The following TBL1XR1 variants were observed in gnomAD, a reference collection of about 807,000 sequenced individuals.
TBL1XR1 encodes the protein TBL1X/Y related 1.
In TBL1XR1, 5 loss-of-function variants were observed where a neutral mutation model predicts 66.9. The ratio of observed to expected loss-of-function variants is 0.07; its 90% CI spans 0.04 to 0.16. TBL1XR1 has a LOEUF of 0.16. Among genes scored for constraint, TBL1XR1 ranks in the 10% least tolerant of loss-of-function variants. TBL1XR1 has a pLI of 1.00. For missense variants in TBL1XR1, 238 were observed against 623.2 expected, an observed-to-expected ratio of 0.38 and a Z score of 6.58; for synonymous variants, 210 against 206.0, an observed-to-expected ratio of 1.02 and a Z score of -0.17.
chr3:177,096,634 T>C (rs1723527825), intron 2 of TBL1XR1, among the ~76,000 whole-genome samples: 1 of 152,106 alleles, frequency 6.6e-6, no homozygotes, highest in African/African-American at 2.4e-5. Context: ...AGGTTTCAAA[T>C]GTGAACTTCA....
At chr3:177,197,908 C>G (rs1577472421), upstream of TBL1XR1, among the ~76,000 whole-genome samples, 1 of 148,974 alleles carries the variant, frequency 6.7e-6, no homozygotes, top group East Asian at 2.0e-4. Flanking sequence ...CCGCTGGGCC[C>G]GAGACGGGTG....
At chr3:177,122,000 T>A (rs950846695) in intron 1 of TBL1XR1, among the ~76,000 whole-genome samples, 1 of 152,040 alleles carries the variant, frequency 6.6e-6, no homozygotes, top group Non-Finnish European at 1.5e-5. Flanking sequence ...ATAAATACAT[T>A]TAGGATGATC....
In TBL1XR1 at chr3:177,186,943, G is replaced by A. The variant is rs1435939115; in HGVS notation, c.-122+10178C>T. Among the ~76,000 whole-genome samples, 4 of 151,942 alleles carry A rather than the reference G, an allele frequency of 2.6e-5. No individual in the cohort carries two copies. In the East Asian group the frequency reaches 7.7e-4, roughly 29 times the overall value. ...GCACTTTGGGAGGCCGAGGCGGGCG[G>A]ATCACAAGGTCAGGAGATCGAGACC... On this transcript the variant is annotated intron_variant, in intron 1 of 15. Transcript: ENST00000457928.
intron 3 of TBL1XR1, among the ~76,000 whole-genome samples, chr3:177,056,648 T>C (rs1577043134): frequency 1.3e-5 from 2 of 152,212 alleles, no homozygotes; most frequent in African/African-American, 4.8e-5. Flanking sequence ...AAAATTACTA[T>C]GTTCAAAATC....
intron 1 of TBL1XR1, among the ~76,000 whole-genome samples, chr3:177,161,619 C>CA (rs142879197): frequency 0.036 from 5,401 of 151,740 alleles, 342 homozygotes; most frequent in African/African-American, 0.12. Context: ...CCCATCTCTG[C>CA]AAAAAAATAT....
intron 10 of TBL1XR1, among the ~76,000 whole-genome samples, 177 bp from the exon 11 acceptor site, chr3:177,038,611 T>C (rs2108438570): frequency 6.6e-6 from 1 of 152,366 alleles, no homozygotes; most frequent in African/African-American, 2.4e-5. Context: ...TACAACAATA[T>C]TAACAAATTT....
intron 3 of TBL1XR1, among the ~76,000 whole-genome samples, chr3:177,058,179 T>C (rs1041401926): frequency 1.3e-5 from 2 of 152,168 alleles, no homozygotes; most frequent in Non-Finnish European, 2.9e-5. Flanking sequence ...ACTGCCCTAG[T>C]CTGAAACGAA....
intron 1 of TBL1XR1, among the ~76,000 whole-genome samples, chr3:177,125,056 G>GA (rs1003765696): frequency 2.0e-5 from 3 of 151,364 alleles, no homozygotes; most frequent in East Asian, 3.9e-4. Context: ...AGAAACAAAA[G>GA]AAAAAAACAA....
chr3:177,054,581 T>G (rs948948851), intron 3 of TBL1XR1, among the ~76,000 whole-genome samples: 1 of 152,184 alleles, frequency 6.6e-6, no homozygotes, highest in Non-Finnish European at 1.5e-5. Flanking sequence ...TACATATAAA[T>G]TGTCAAACAT....
chr3:177,155,519 T>C (rs944945152), intron 1 of TBL1XR1, among the ~76,000 whole-genome samples: 3 of 152,214 alleles, frequency 2.0e-5, no homozygotes, highest in South Asian at 2.1e-4. Flanking sequence ...AAAAGGTGTA[T>C]GAATTTAAAA....
intron 1 of TBL1XR1, among the ~76,000 whole-genome samples, chr3:177,141,978 C>CATA (rs1560221684): frequency 6.6e-6 from 1 of 152,186 alleles, no homozygotes; most frequent in African/African-American, 2.4e-5. Context: ...ATTCCACTTA[C>CATA]ATAAGGTACC....
chr3:177,071,673 G>A (rs547881347), intron 2 of TBL1XR1, among the ~76,000 whole-genome samples: 1 of 152,248 alleles, frequency 6.6e-6, no homozygotes, highest in East Asian at 1.9e-4. Flanking sequence ...ATCGAGTGAA[G>A]ACGATGCAAA....
At position 177,104,874 on chromosome 3, in the gene TBL1XR1, G is replaced by A. The variant is rs191221235; in HGVS notation, c.-121-6333C>T. Among the ~76,000 whole-genome samples the A allele has an allele frequency of 5.3e-5, 8 of 152,246 alleles. No homozygotes were observed. In the East Asian group the frequency reaches 1.5e-3, roughly 29 times the overall value. Reference sequence around the variant, plus strand: ...CAAGAATAAAACAAAAAACTCTCAAGTATTTCTAAATTTTTCTGTCACAGG... The same window carrying A: ...CAAGAATAAAACAAAAAACTCTCAAATATTTCTAAATTTTTCTGTCACAGG... On this transcript the variant is annotated intron_variant, in intron 1 of 15. Transcript: ENST00000457928.
chr3:177,163,519 AAAAG>A (rs1339770826), intron 1 of TBL1XR1, among the ~76,000 whole-genome samples: 1 of 152,296 alleles, frequency 6.6e-6, no homozygotes, highest in Non-Finnish European at 1.5e-5. Context: ...TGAAAAAAAA[AAAAG>A]AAAGCTCTTT....
At chr3:177,109,952 G>A (rs1249060001) in intron 1 of TBL1XR1, among the ~76,000 whole-genome samples, 2 of 152,234 alleles carry the variant, frequency 1.3e-5, no homozygotes. Flanking sequence ...GGTGTTGTCC[G>A]CTTACTACTG....
At chr3:177,095,276 G>A (rs1028230551) in intron 2 of TBL1XR1, among the ~76,000 whole-genome samples, 2 of 151,924 alleles carry the variant, frequency 1.3e-5, no homozygotes, top group Non-Finnish European at 2.9e-5. Flanking sequence ...ATGGGTATAC[G>A]GTTTTGGTTT....
At chr3:177,066,718 C>T (rs1043798692) in intron 2 of TBL1XR1, among the ~76,000 whole-genome samples, 3 of 151,994 alleles carry the variant, frequency 2.0e-5, no homozygotes, top group Non-Finnish European at 4.4e-5. Flanking sequence ...ACTGGGGTTC[C>T]AAAAATATTT....
chr3:177,071,159 C>T (rs189566950), intron 2 of TBL1XR1, among the ~76,000 whole-genome samples: 8 of 151,014 alleles, frequency 5.3e-5, no homozygotes, highest in Admixed American at 2.0e-4. Context: ...GCCTCCCGAG[C>T]AGCTGGGACT....
At chr3:177,194,032 T>C (rs1158229230) in intron 1 of TBL1XR1, 1 of 152,242 alleles carries the variant, frequency 6.6e-6, no homozygotes, top group African/African-American at 2.4e-5. Flanking sequence ...CCTCTGGCTC[T>C]ATGGTTACAG....
Sources: gnomAD v4.1 joint callset for allele counts (sites outside exome capture counted in the v4.1 genomes callset) on GRCh38, gnomAD v4.1.1 for gene constraint, MANE v1.5 for transcripts, NCBI Gene and HGNC (gene_info 2026-07-23, HGNC 2026-07-21) for gene names.